The following PLG variants were observed in gnomAD, a reference collection of about 807,000 sequenced individuals.
The protein encoded by PLG is plasmin.
A neutral mutation model predicts 104.4 loss-of-function variants in PLG; 41 were observed. The observed-to-expected ratio is 0.39, with a 90% CI of 0.31 to 0.51. PLG has a LOEUF of 0.51. Ranked by LOEUF, PLG falls within the 20% of genes least tolerant of loss-of-function variation. The pLI, the probability that PLG is intolerant of heterozygous loss-of-function variation, is 0.76. For missense variants in PLG, 891 were observed against 1,003.6 expected (o/e 0.89, Z 1.52); for synonymous variants, 337 against 357.1 (o/e 0.94, Z 0.63).
Position 160,731,651 on chromosome 6 carries a change from T to G in PLG, c.1439-94T>G. The G allele has an allele frequency of 8.0e-7, 1 of 1,242,652 alleles. No individual in the cohort carries two copies. The highest frequency in any genetic ancestry group is 1.2e-6 in the Non-Finnish European group (1 of 843,850). The allele number at this position is 1,242,652 out of a possible 1,614,324, so 77.0% of individuals were successfully genotyped here. A position where few individuals can be genotyped will look rare whatever the true frequency, so the allele number is the denominator to read the frequency against. ...TTCTGAGGAATGTGGCCCCTGATTC[T>G]GTCATCCTAGAGAAACCTGACATGA... On this transcript the variant is annotated intron_variant, in intron 11 of 18. Coordinates refer to ENST00000308192, the MANE Select transcript of PLG (RefSeq NM_000301.5). This position sits in a 1 kb window ranked among gnomAD's most constrained non-coding sequence, Gnocchi z 5.1.
chr6:160,714,968 T>C, intron 6 of PLG, 54 bp downstream of exon 6: 1 of 1,564,494 alleles, frequency 6.4e-7, no homozygotes, highest in South Asian at 1.1e-5. Flanking sequence ...TGCAGCTCTA[T>C]CAGACATTTG....
chr6:160,729,159 C>A (rs1268159226), intron 10 of PLG, among the ~76,000 whole-genome samples: 1 of 152,102 alleles, frequency 6.6e-6, no homozygotes, highest in Admixed American at 6.5e-5. Flanking sequence ...AAATGCTCAA[C>A]ATTTTAGCCA....
chr6:160,703,102 G>T (rs1486692634), intron 1 of PLG, among the ~76,000 whole-genome samples: 1 of 152,032 alleles, frequency 6.6e-6, no homozygotes, highest in South Asian at 2.1e-4. Flanking sequence ...TCAGACTTAG[G>T]AATATCATGT....
In PLG at chr6:160,731,123, C is replaced by T. The variant is rs756670030; in HGVS notation, c.1329C>T (p.Ser443=). Reference sequence around the variant, plus strand: ...CCTGGTGTTTTACCACAGACCCCAGCGTCAGGTGGGAGTACTGCAACCTGA... The same window carrying T: ...CCTGGTGTTTTACCACAGACCCCAGTGTCAGGTGGGAGTACTGCAACCTGA... ...KGPWCFTTDP[S]VRWEYCNLKK... The change falls in exon 11 of 19, where the codon AGC becomes AGT. Residue 443 remains serine (S), a synonymous_variant. Coordinates refer to ENST00000308192, the MANE Select transcript of PLG (RefSeq NM_000301.5). This position sits in a 1 kb window ranked among gnomAD's most constrained non-coding sequence, Gnocchi z 5.1. 5.0e-6 allele frequency: 8 copies of T among 1,613,750 alleles called. No homozygotes were observed. Among genetic ancestry groups the T allele is most frequent in the Middle Eastern group, 1.6e-4 (1 of 6,080 alleles).
At chr6:160,733,888 A>G (rs188050856) in intron 12 of PLG, 107 bp from the exon 13 acceptor site, 6 of 639,054 alleles carry the variant, frequency 9.4e-6, no homozygotes, top group East Asian at 5.9e-5. Flanking sequence ...AAAAAGAAAC[A>G]CTCCTTTATG....
At chr6:160,716,236 C>T (rs1777727512) in intron 6 of PLG, among the ~76,000 whole-genome samples, 1 of 152,176 alleles carries the variant, frequency 6.6e-6, no homozygotes, top group South Asian at 2.1e-4. Context: ...ATCAATTTTC[C>T]AGATGGCCAA....
At position 160,731,345 on chromosome 6, in the gene PLG, G is replaced by C; in HGVS notation, c.1438+113G>C. ...CTACACGAGAAATCAAGTGTTTTTA[G>C]AGGGTCTGCCATGTGGAAGGAAGCC... On this transcript the variant is annotated intron_variant, in intron 11 of 18. Transcript: ENST00000308192. This position sits in a 1 kb window ranked among gnomAD's most constrained non-coding sequence, Gnocchi z 5.1. 1 of 991,594 alleles carries C rather than the reference G, an allele frequency of 1.0e-6. No homozygotes were observed. Among genetic ancestry groups the C allele is most frequent in the Non-Finnish European group, 1.6e-6 (1 of 636,690 alleles). 61.4% of individuals were successfully genotyped at this position (991,594 alleles called of 1,614,324 possible).
intron 17 of PLG, among the ~76,000 whole-genome samples, chr6:160,750,660 T>C (rs371555536): frequency 6.6e-5 from 10 of 152,334 alleles, no homozygotes; most frequent in African/African-American, 2.4e-4. Flanking sequence ...TCTTCCATGC[T>C]GCTCATGTAA....
chr6:160,719,775 C>T lies in PLG; in HGVS notation c.1096+937C>T, dbSNP rs1189313274. On this transcript the variant is annotated intron_variant, in intron 9 of 18. Transcript: ENST00000308192. This position sits in a 1 kb window ranked among gnomAD's most constrained non-coding sequence, Gnocchi z 4.1. The stretch of plus-strand genomic sequence containing the variant: ...TATGAATCCTTACATCATTGCAGTT[C>T]TACTTCCTCCCTCCCAAAATGCTAT... Among the ~76,000 whole-genome samples, 8 of 152,120 alleles carry T rather than the reference C, an allele frequency of 5.3e-5. No homozygotes were observed. The highest frequency in any genetic ancestry group is 2.9e-5 in the Non-Finnish European group (2 of 67,996).
At position 160,714,931 on chromosome 6, in the gene PLG, A is replaced by G; in HGVS notation, c.668+17A>G. The G allele has an allele frequency of 6.2e-7, 1 of 1,612,044 alleles. No individual in the cohort carries two copies. The highest frequency in any genetic ancestry group is 8.5e-7 in the Non-Finnish European group (1 of 1,178,312). On this transcript the variant is annotated intron_variant, in intron 6 of 18. Transcript: ENST00000308192. The stretch of plus-strand genomic sequence containing the variant: ...TCCTTCCAAGTAAGTCTCACTGGGA[A>G]AAACATTCCATGTTTAATTAAGGCT...
Position 160,753,476 on chromosome 6 carries a change from G to A in PLG, c.*415G>A, listed in dbSNP as rs543542776. Among the ~76,000 whole-genome samples, 3 of 152,268 alleles carry A rather than the reference G, an allele frequency of 2.0e-5. No homozygotes were observed. The highest frequency in any genetic ancestry group is 2.1e-4 in the South Asian group (1 of 4,818). On this transcript the variant is annotated 3_prime_UTR_variant, in exon 19 of 19. Transcript: ENST00000308192. The surrounding 1 kb of genome is among the most constrained non-coding windows in gnomAD (Gnocchi z 5.4). ...CCACGCATTTACCTCATCAGCTAACGAGGGCTTGACATGCATTTTTACTGT... is the reference window on the plus strand; with the variant it reads ...CCACGCATTTACCTCATCAGCTAACAAGGGCTTGACATGCATTTTTACTGT...
chr6:160,727,208 A>T (rs1220672295), intron 10 of PLG, among the ~76,000 whole-genome samples: 1 of 151,900 alleles, frequency 6.6e-6, no homozygotes, highest in Non-Finnish European at 1.5e-5. Flanking sequence ...AGAAAAAAAC[A>T]AATAAGCAAA....
Position 160,718,290 on chromosome 6 carries a change from C to T in PLG, c.788-4C>T. On this transcript the variant is annotated splice_polypyrimidine_tract_variant and splice_region_variant and intron_variant, in intron 7 of 18. Coordinates refer to ENST00000308192, the MANE Select transcript of PLG (RefSeq NM_000301.5). Reference sequence around the variant, plus strand: ...TTCATTGTAACTTATTTTGCCCATTCAAGCAACACCTCCACCATCTTCTGG... The same window carrying T: ...TTCATTGTAACTTATTTTGCCCATTTAAGCAACACCTCCACCATCTTCTGG... 1.2e-6 allele frequency: 2 copies of T among 1,612,380 alleles called. No homozygotes were observed. Among genetic ancestry groups the T allele is most frequent in the Non-Finnish European group, 1.7e-6 (2 of 1,178,364 alleles).
chr6:160,734,117 C>CAGTT lies in PLG; in HGVS notation c.1681+29_1681+30insAGTT. On this transcript the variant is annotated intron_variant, in intron 13 of 18. Transcript: ENST00000308192. The surrounding 1 kb of genome is among the most constrained non-coding windows in gnomAD (Gnocchi z 4.4). ...GGTTGCCTTCTTTTTGGTAAGGAAACTGCTTACTTAATATGGATTTGCAAC... is the reference window on the plus strand; with the variant it reads ...GGTTGCCTTCTTTTTGGTAAGGAAACAGTTTGCTTACTTAATATGGATTTGCAAC... The CAGTT allele has an allele frequency of 8.0e-7, 1 of 1,246,254 alleles. No homozygotes were observed. 77.2% of individuals were successfully genotyped at this position (1,246,254 alleles called of 1,614,324 possible). A position where few individuals can be genotyped will look rare whatever the true frequency, so the allele number is the denominator to read the frequency against.
intron 9 of PLG, among the ~76,000 whole-genome samples, chr6:160,721,514 T>C (rs761438894): frequency 6.6e-6 from 1 of 152,156 alleles, no homozygotes; most frequent in Non-Finnish European, 1.5e-5. Context: ...TTACTTAGAG[T>C]GGGGCCTGGG....
chr6:160,717,235 G>A (rs576708120), intron 7 of PLG, among the ~76,000 whole-genome samples: 40 of 152,244 alleles, frequency 2.6e-4, no homozygotes, highest in African/African-American at 9.4e-4. Flanking sequence ...GAGTTCAAGA[G>A]GAGAAGATGA....
chr6:160,712,674 G>C (rs1777665495), intron 4 of PLG, among the ~76,000 whole-genome samples: 1 of 152,206 alleles, frequency 6.6e-6, no homozygotes, highest in South Asian at 2.1e-4. Context: ...ACTGACAAAA[G>C]CAGGTGTTTG....
At position 160,720,410 on chromosome 6, in the gene PLG, C is replaced by CTTTTTTTTTTTTTTTTTTTTTTTTTT. The variant is rs3057066; in HGVS notation, c.1096+1574_1096+1599dup. 1.5e-3 allele frequency among the ~76,000 whole-genome samples: 88 copies of CTTTTTTTTTTTTTTTTTTTTTTTTTT among 58,526 alleles called. 20 individuals are homozygous for CTTTTTTTTTTTTTTTTTTTTTTTTTT. The highest frequency in any genetic ancestry group is 1.6e-3 in the Non-Finnish European group (57 of 35,314). The allele number at this position is 58,526 out of a possible 152,430, so 38.4% of individuals were successfully genotyped here. A position where few individuals can be genotyped will look rare whatever the true frequency, so the allele number is the denominator to read the frequency against. On this transcript the variant is annotated intron_variant, in intron 9 of 18. Transcript: ENST00000308192. ...TCTTTTCTCTTTTTTCTTTTCTTTT[C>CTTTTTTTTTTTTTTTTTTTTTTTTTT]TTTTTTTTTTTTTTTTTTTTTTTTT...
At chr6:160,722,934 C>T (rs1217722751) in intron 10 of PLG, among the ~76,000 whole-genome samples, 1 of 151,856 alleles carries the variant, frequency 6.6e-6, no homozygotes, top group Non-Finnish European at 1.5e-5. Flanking sequence ...ACCTCCAACC[C>T]CTGAAATGAA....
Sources: gnomAD v4.1 joint callset for allele counts (sites outside exome capture counted in the v4.1 genomes callset) on GRCh38, gnomAD v4.1.1 for gene constraint, Gnocchi (gnomAD v3.1) non-coding constraint, MANE v1.5 for transcripts, NCBI Gene and HGNC (gene_info 2026-07-23, HGNC 2026-07-21) for gene names.